RPL36: variants seen among roughly 807,000 people sequenced by gnomAD.
RPL36 encodes the protein ribosomal protein L36, also known as large ribosomal subunit protein eL36.
For synonymous variants in RPL36, 74 were observed against 56.0 expected, an observed-to-expected ratio of 1.32 and a Z score of -1.44; for missense variants, 131 against 144.9, an observed-to-expected ratio of 0.90 and a Z score of 0.49.
Position 5,691,756 on chromosome 19 carries a change from CTCCG to C in RPL36, c.*136_*139del, listed in dbSNP as rs1344381794. Reference sequence around the variant, plus strand: ...TGGTGCCCGCTCTGAGCCACACCCTCTCCGGGTGCTGCCTGGTCGTGAATCAAAA... The same window carrying C: ...TGGTGCCCGCTCTGAGCCACACCCTCGGTGCTGCCTGGTCGTGAATCAAAA... On this transcript the variant is annotated 3_prime_UTR_variant, in exon 4 of 4. Transcript: ENST00000347512. The C allele has an allele frequency of 9.6e-7, 1 of 1,040,124 alleles. No individual in the cohort carries two copies. Among genetic ancestry groups the C allele is most frequent in the African/African-American group, 1.6e-5 (1 of 63,422 alleles). The allele number at this position is 1,040,124 out of a possible 1,614,324, so 64.4% of individuals were successfully genotyped here. A position where few individuals can be genotyped will look rare whatever the true frequency, so the allele number is the denominator to read the frequency against.
At chr19:5,691,128 G>A (rs1328019535) in intron 2 of RPL36, 191 bp from the exon 3 acceptor site, 3 of 742,376 alleles carry the variant, frequency 4.0e-6, no homozygotes, top group East Asian at 2.7e-5. Context: ...CCAGTGTTGC[G>A]GAGACTGGGA....
intron 2 of RPL36, chr19:5,691,047 A>G (rs2054810976): frequency 1.8e-6 from 1 of 571,342 alleles, no homozygotes; most frequent in Admixed American, 3.1e-5. Flanking sequence ...TGTGAGGTTG[A>G]GGGATTTCAG....
At chr19:5,691,503 CG>C (rs1436702359) in intron 3 of RPL36, 28 bp from the exon 4 acceptor site, 2 of 1,607,452 alleles carry the variant, frequency 1.2e-6, no homozygotes, top group Non-Finnish European at 1.7e-6. Flanking sequence ...GAGTCAGGGC[CG>C]GGCTGACGGC....
In RPL36 at chr19:5,690,310, G is replaced by C. The variant is rs1308515120; in HGVS notation, c.-20G>C. 12 of 621,174 alleles carry C rather than the reference G, an allele frequency of 1.9e-5. No homozygotes were observed. In the East Asian group the frequency reaches 3.3e-4, roughly 17 times the overall value. 38.5% of individuals were successfully genotyped at this position (621,174 alleles called of 1,614,324 possible). The stretch of plus-strand genomic sequence containing the variant: ...CGGCGCCAGCCCTTCCGCCACGGCC[G>C]TCTCTGGAGAGCAGCAGGTAAGTGG... On this transcript the variant is annotated 5_prime_UTR_variant, in exon 1 of 4. Coordinates refer to ENST00000347512, the MANE Select transcript of RPL36 (RefSeq NM_033643.3).
At chr19:5,691,141 T>C (rs1215670671) in intron 2 of RPL36, 178 bp from the exon 3 acceptor site, 2 of 829,430 alleles carry the variant, frequency 2.4e-6, no homozygotes, top group Admixed American at 4.8e-5. Context: ...GACTGGGACT[T>C]AGGGAGGATG....
rs2054820469 is a variant in RPL36, at chr19:5,691,542, A to G, written c.239A>G (p.His80Arg). The change falls in exon 4 of 4, where the codon CAC (histidine) becomes CGC (arginine). Residue 80 changes from histidine (H) to arginine (R), a missense_variant. Coordinates refer to ENST00000347512, the MANE Select transcript of RPL36 (RefSeq NM_033643.3). Reference sequence around the variant, plus strand: ...CCTCGTCCCTGGCAGGTGGGGACGCACATCCGCGCCAAGAGGAAGCGGGAG... The same window carrying G: ...CCTCGTCCCTGGCAGGTGGGGACGCGCATCCGCGCCAAGAGGAAGCGGGAG... ...LKFIKKRVGT[H>R]IRAKRKREEL... 1 of 1,611,994 alleles carries G rather than the reference A, an allele frequency of 6.2e-7. No individual in the cohort carries two copies. Among genetic ancestry groups the G allele is most frequent in the Non-Finnish European group, 8.5e-7 (1 of 1,179,894 alleles).
In RPL36 at chr19:5,691,753, C is replaced by A; in HGVS notation, c.*132C>A. 9.5e-7 allele frequency: 1 copy of A among 1,057,662 alleles called. No homozygotes were observed. 65.5% of individuals were successfully genotyped at this position (1,057,662 alleles called of 1,614,324 possible). On this transcript the variant is annotated 3_prime_UTR_variant, in exon 4 of 4. Coordinates refer to ENST00000347512, the MANE Select transcript of RPL36 (RefSeq NM_033643.3). ...GTCTGGTGCCCGCTCTGAGCCACAC[C>A]CTCTCCGGGTGCTGCCTGGTCGTGA...
At chr19:5,691,090 A>G (rs1035481245) in intron 2 of RPL36, 4 of 621,896 alleles carry the variant, frequency 6.4e-6, no homozygotes, top group Non-Finnish European at 1.1e-5. Context: ...TTTATTCAGC[A>G]GGCAGCCCAG....
intron 2 of RPL36, 70 bp from the exon 3 acceptor site, chr19:5,691,249 G>A (rs1235812443): frequency 1.9e-6 from 3 of 1,604,890 alleles, no homozygotes; most frequent in South Asian, 1.1e-5. Context: ...AATCGCGGCA[G>A]CGCGAGAGAA....
At position 5,690,519 on chromosome 19, in the gene RPL36, C is replaced by G; in HGVS notation, c.12C>G (p.Arg4=). The G allele has an allele frequency of 6.4e-7, 1 of 1,560,386 alleles. No individual in the cohort carries two copies. Among genetic ancestry groups the G allele is most frequent in the Non-Finnish European group, 8.7e-7 (1 of 1,152,622 alleles). The stretch of plus-strand genomic sequence containing the variant: ...CGCTGTCCGCAGCCATGGCCCTACG[C>G]TACCCTATGGCCGTGGGCCTCAACA... The part of the protein sequence containing the change: MAL[R]YPMAVGLNKG... Residue 4 remains arginine, a synonymous_variant, in exon 2 of 4, where the codon CGC becomes CGG. Coordinates refer to ENST00000347512, the MANE Select transcript of RPL36 (RefSeq NM_033643.3).
At chr19:5,691,023 C>G in intron 2 of RPL36, 1 of 553,050 alleles carries the variant, frequency 1.8e-6, no homozygotes, top group Non-Finnish European at 3.2e-6. Flanking sequence ...TGGAGCTGGC[C>G]CGAGGTTGCG....
rs534972229 is a variant in RPL36 at position 5,691,774 on chromosome 19, C to A, written c.*153C>A. 4.1e-6 allele frequency: 4 copies of A among 975,782 alleles called. No individual in the cohort carries two copies. Among genetic ancestry groups the A allele is most frequent in the African/African-American group, 3.2e-5 (2 of 62,390 alleles). 60.4% of individuals were successfully genotyped at this position (975,782 alleles called of 1,614,324 possible). A position where few individuals can be genotyped will look rare whatever the true frequency, so the allele number is the denominator to read the frequency against. On this transcript the variant is annotated 3_prime_UTR_variant, in exon 4 of 4. Transcript: ENST00000347512. ...ACACCCTCTCCGGGTGCTGCCTGGT[C>A]GTGAATCAAAAGCCGTGGCCCGCCC...
rs2054825029 is a variant in RPL36 at position 5,691,754 on chromosome 19, CTCTCCGGGTGCTGCCTGGTCGTGA to C, written c.*134_*157del. The stretch of plus-strand genomic sequence containing the variant: ...TCTGGTGCCCGCTCTGAGCCACACC[CTCTCCGGGTGCTGCCTGGTCGTGA>C]ATCAAAAGCCGTGGCCCGCCCACCC... On this transcript the variant is annotated 3_prime_UTR_variant, in exon 4 of 4. Coordinates refer to ENST00000347512, the MANE Select transcript of RPL36 (RefSeq NM_033643.3). The C allele has an allele frequency of 9.5e-7, 1 of 1,054,394 alleles. No homozygotes were observed. The highest frequency in any genetic ancestry group is 2.0e-5 in the Admixed American group (1 of 49,972). The allele number at this position is 1,054,394 out of a possible 1,614,324, so 65.3% of individuals were successfully genotyped here.
At chr19:5,690,444 T>C (rs773312113) in intron 1 of RPL36, 62 bp from the exon 2 acceptor site, 67 of 1,288,382 alleles carry the variant, frequency 5.2e-5, no homozygotes, top group Non-Finnish European at 6.8e-5. Context: ...GACGCGGGGC[T>C]CTGGGCCTCG....
chr19:5,691,763 T>C lies in RPL36; in HGVS notation c.*142T>C. On this transcript the variant is annotated 3_prime_UTR_variant, in exon 4 of 4. Coordinates refer to ENST00000347512, the MANE Select transcript of RPL36 (RefSeq NM_033643.3). ...CGCTCTGAGCCACACCCTCTCCGGG[T>C]GCTGCCTGGTCGTGAATCAAAAGCC... The C allele has an allele frequency of 2.0e-6, 2 of 1,018,406 alleles. No homozygotes were observed. The highest frequency in any genetic ancestry group is 3.0e-6 in the Non-Finnish European group (2 of 675,166). 63.1% of individuals were successfully genotyped at this position (1,018,406 alleles called of 1,614,324 possible). A position where few individuals can be genotyped will look rare whatever the true frequency, so the allele number is the denominator to read the frequency against.
In RPL36 at chr19:5,691,224, G is replaced by T. The variant is rs547602933; in HGVS notation, c.94-95G>T. On this transcript the variant is annotated intron_variant, in intron 2 of 3. Transcript: ENST00000347512. Reference sequence around the variant, plus strand: ...TTCTCACAGCTACCCACAGAGGGGAGGAAGTAGCCAGGGAAATCGCGGCAG... The same window carrying T: ...TTCTCACAGCTACCCACAGAGGGGATGAAGTAGCCAGGGAAATCGCGGCAG... The T allele has an allele frequency of 5.1e-6, 8 of 1,574,788 alleles. No individual in the cohort carries two copies. In the African/African-American group the frequency reaches 1.1e-4, roughly 21 times the overall value.
rs1166491115 is a variant in RPL36, at chr19:5,691,855, T to C, written c.*234T>C. 1 of 818,358 alleles carries C rather than the reference T, an allele frequency of 1.2e-6. No individual in the cohort carries two copies. The highest frequency in any genetic ancestry group is 1.9e-6 in the Non-Finnish European group (1 of 528,614). 50.7% of individuals were successfully genotyped at this position (818,358 alleles called of 1,614,324 possible). ...GCCGTACTGCAAATGACTTTAATCA[T>C]TAAATAGCTTCTATGCCACACTCTG... On this transcript the variant is annotated 3_prime_UTR_variant, in exon 4 of 4. Coordinates refer to ENST00000347512, the MANE Select transcript of RPL36 (RefSeq NM_033643.3).
In RPL36 at chr19:5,691,326, C is replaced by A. The variant is rs201104772; in HGVS notation, c.101C>A (p.Thr34Asn). Residue 34 changes from threonine to asparagine, a missense_variant, in exon 3 of 4, where the codon ACC becomes AAC. Physicochemically the swap from Thr to Asn is moderately conservative, Grantham distance 65 (BLOSUM62 0). Coordinates refer to ENST00000347512, the MANE Select transcript of RPL36 (RefSeq NM_033643.3). ...PRHSRRRGRL[T>N]KHTKFVRDMI... is the part of the protein sequence containing the mutation. ...CGCCCCTTTCCCCCCTAGCGTCTGA[C>A]CAAACACACCAAGTTCGTGCGGGAC... 8.7e-6 allele frequency: 14 copies of A among 1,612,720 alleles called. 1 individual carries two copies. In the South Asian group the frequency reaches 1.5e-4, roughly 18 times the overall value.
In RPL36 at chr19:5,691,514, C is replaced by G; in HGVS notation, c.229-18C>G. On this transcript the variant is annotated intron_variant, in intron 3 of 3. Transcript: ENST00000347512. ...ATGGGAGTCAGGGCCGGGCTGACGG[C>G]GGCCTCGTCCCTGGCAGGTGGGGAC... The G allele has an allele frequency of 3.1e-6, 5 of 1,608,868 alleles. No homozygotes were observed. Among genetic ancestry groups the G allele is most frequent in the Non-Finnish European group, 4.2e-6 (5 of 1,176,730 alleles).
Sources: gnomAD v4.1 joint callset for allele counts on GRCh38, gnomAD v4.1.1 for gene constraint, MANE v1.5 for transcripts, NCBI Gene and HGNC (gene_info 2026-07-23, HGNC 2026-07-21) for gene names.